Variants in LARGE1 observed in about 807,000 individuals in gnomAD.
The protein encoded by LARGE1 is LARGE xylosyl- and glucuronyltransferase 1, also known as xylosyl- and glucuronyltransferase LARGE1.
In LARGE1, 43 loss-of-function variants were observed where a neutral mutation model predicts 87.6. That is an observed-to-expected ratio of 0.49 (90% confidence interval 0.38 to 0.63). LARGE1 has a LOEUF of 0.63. Among genes scored for constraint, LARGE1 ranks in the 30% least tolerant of loss-of-function variants. LARGE1 has a pLI of 0.00. For synonymous variants in LARGE1, 434 were observed against 394.6 expected (o/e 1.10, Z -1.18); for missense variants, 802 against 1,000.2 (o/e 0.80, Z 2.67).
chr22:33,223,860 T>A (rs1925579200), intron 11 of LARGE1, among the ~76,000 whole-genome samples: 1 of 152,134 alleles, frequency 6.6e-6, no homozygotes, highest in Non-Finnish European at 1.5e-5. Flanking sequence ...CTGCAGCTTG[T>A]TTTTGCTATA....
chr22:33,334,930 A>C (rs184545872), intron 10 of LARGE1, among the ~76,000 whole-genome samples: 1 of 152,324 alleles, frequency 6.6e-6, no homozygotes, highest in East Asian at 1.9e-4. Flanking sequence ...ACCACCGACG[A>C]CTTCTTCACC....
the LARGE1 span, among the ~76,000 whole-genome samples, chr22:33,124,498 A>G: frequency 2.0e-5 from 3 of 152,014 alleles, no homozygotes. Context: ...TGCAGTTTTG[A>G]TGACCAATTT....
downstream of LARGE1, among the ~76,000 whole-genome samples, chr22:33,161,716 C>A: frequency 6.6e-6 from 1 of 152,204 alleles, no homozygotes; most frequent in South Asian, 2.1e-4. Flanking sequence ...GCTTTCACAG[C>A]CTTGGGCAGC....
At chr22:33,762,224 A>G (rs2084758887) in intron 1 of LARGE1, among the ~76,000 whole-genome samples, 1 of 69,896 alleles carries the variant, frequency 1.4e-5, no homozygotes, top group Non-Finnish European at 3.2e-5. Context: ...AAAAAAAAAA[A>G]AAAAAAAAAA....
At chr22:33,583,976 G>A (rs906773033) in intron 5 of LARGE1, among the ~76,000 whole-genome samples, 3 of 152,124 alleles carry the variant, frequency 2.0e-5, no homozygotes, top group Non-Finnish European at 1.5e-5. Flanking sequence ...AACTTTCCCC[G>A]CTGTGGGCAT....
At chr22:33,808,964 C>T (rs1169916056) in intron 1 of LARGE1, among the ~76,000 whole-genome samples, 2 of 148,662 alleles carry the variant, frequency 1.3e-5, no homozygotes, top group African/African-American at 5.0e-5. Flanking sequence ...CGCCCACCCA[C>T]CCCATGTATT....
intron 4 of LARGE1, among the ~76,000 whole-genome samples, chr22:33,622,758 C>G (rs2079795968): frequency 6.6e-6 from 1 of 152,214 alleles, no homozygotes. Context: ...TAGTGCCATG[C>G]CCACTGGAGT....
chr22:33,377,129 T>C (rs1193947295), intron 9 of LARGE1, among the ~76,000 whole-genome samples: 1 of 152,034 alleles, frequency 6.6e-6, no homozygotes, highest in East Asian at 1.9e-4. Context: ...AAAAATGGAG[T>C]CATTTGTGTT....
At chr22:33,238,097 A>G (rs1329408293) in intron 11 of LARGE1, among the ~76,000 whole-genome samples, 3 of 152,214 alleles carry the variant, frequency 2.0e-5, no homozygotes, top group African/African-American at 7.2e-5. Context: ...TTACAATAAT[A>G]ATAAATTGGA....
In LARGE1 at chr22:33,359,267, T is replaced by C. The variant is rs151318513; in HGVS notation, c.1132-21466A>G. On this transcript the variant is annotated intron_variant, in intron 9 of 14. Coordinates refer to ENST00000397394, the MANE Select transcript of LARGE1 (RefSeq NM_133642.5). ...GGACTTGGAATCAGACAGATGTGAG[T>C]TGGAATCTCAGCTCTGTCATATTTA... 9.4e-3 allele frequency among the ~76,000 whole-genome samples: 1,426 copies of C among 152,186 alleles called. 7 individuals carry two copies. The highest frequency in any genetic ancestry group is 0.017 in the South Asian group (81 of 4,814).
Position 33,236,724 on chromosome 22 carries a change from C to T in LARGE1, c.1730+67505G>A, listed in dbSNP as rs564822797. ...AAGGTGTTGGTGGATGCTGCTGCTC[C>T]TCTCCATGCTCCTTCCCACAAAGCA... On this transcript the variant is annotated intron_variant, in intron 11 of 11. Transcript: ENST00000608642. Among the ~76,000 whole-genome samples the T allele has an allele frequency of 2.6e-5, 4 of 152,262 alleles. No individual in the cohort carries two copies. In the South Asian group the frequency reaches 8.3e-4, roughly 32 times the overall value.
chr22:33,524,116 C>A (rs959731769), intron 6 of LARGE1, among the ~76,000 whole-genome samples: 1 of 151,872 alleles, frequency 6.6e-6, no homozygotes, highest in African/African-American at 2.4e-5. Flanking sequence ...CACGGTGAAA[C>A]CCTGTCTCTA....
intron 1 of LARGE1, among the ~76,000 whole-genome samples, chr22:33,831,288 C>CA (rs534851478): frequency 7.1e-4 from 107 of 151,682 alleles, no homozygotes; most frequent in African/African-American, 2.4e-3. Context: ...AGTTGCGACA[C>CA]AAAAAAAGGA....
At chr22:33,428,585 T>A (rs1266842704) in intron 7 of LARGE1, among the ~76,000 whole-genome samples, 3 of 146,772 alleles carry the variant, frequency 2.0e-5, no homozygotes, top group African/African-American at 7.5e-5. Context: ...AGTGCTGAGA[T>A]TACAGGCGTG....
chr22:33,314,722 G>C (rs544732696), intron 11 of LARGE1, among the ~76,000 whole-genome samples: 66 of 152,230 alleles, frequency 4.3e-4, no homozygotes, highest in Admixed American at 3.3e-4. Flanking sequence ...AGGAGCTGAG[G>C]GGGGATGACA....
chr22:33,687,772 C>G (rs2081987809), intron 2 of LARGE1, among the ~76,000 whole-genome samples: 2 of 152,208 alleles, frequency 1.3e-5, no homozygotes. Context: ...GGAAGAGAAC[C>G]TGCTGTTCAC....
intron 6 of LARGE1, among the ~76,000 whole-genome samples, chr22:33,534,949 C>A (rs923186235): frequency 3.3e-5 from 5 of 152,150 alleles, no homozygotes; most frequent in Non-Finnish European, 1.5e-5. Context: ...GGGTTGAAGC[C>A]GAGAGTAATA....
At chr22:33,903,901 C>T (rs1475905586) in intron 1 of LARGE1, among the ~76,000 whole-genome samples, 1 of 152,136 alleles carries the variant, frequency 6.6e-6, no homozygotes, top group Non-Finnish European at 1.5e-5. Flanking sequence ...ACCACTGTGT[C>T]AATGGGCGGA....
intron 12 of LARGE1, among the ~76,000 whole-genome samples, chr22:33,284,817 C>T (rs998176207): frequency 2.0e-5 from 3 of 152,104 alleles, no homozygotes; most frequent in Admixed American, 6.5e-5. Context: ...CCTTGTGATC[C>T]GCCCGCCTTG....
Sources: allele counts gnomAD v4.1 joint callset (sites outside exome capture counted in the v4.1 genomes callset), GRCh38; gene constraint gnomAD v4.1.1; transcripts MANE v1.5; gene names NCBI Gene and HGNC (gene_info 2026-07-23, HGNC 2026-07-21).